The following OCA2 variants were observed in gnomAD, a reference collection of about 807,000 sequenced individuals.
OCA2 encodes the protein OCA2 melanosomal transmembrane protein.
Under a neutral mutation model 100.2 loss-of-function variants are expected in OCA2, and 77 were observed. The ratio of observed to expected loss-of-function variants is 0.77; its 90% CI spans 0.64 to 0.93. The LOEUF is 0.93. OCA2 is among the 40% of genes least tolerant of loss of function. OCA2 has a pLI of 0.00. For missense variants in OCA2, 1,062 were observed against 1,089.1 expected (o/e 0.98, Z 0.35); for synonymous variants, 432 against 439.2 (o/e 0.98, Z 0.21).
chr15:28,018,434 G>T lies in OCA2; in HGVS notation c.770C>A (p.Ala257Asp), dbSNP rs1050968. ...EEHIVVELTQ[A>D]DALGSRWRRP... is the part of the protein sequence containing the mutation. ...CCGCCACCTGGAGCCCAAAGCGTCAGCCTGGGTCAGCTCCACCACGATGTG... is the reference window on the plus strand; with the variant it reads ...CCGCCACCTGGAGCCCAAAGCGTCATCCTGGGTCAGCTCCACCACGATGTG... The change falls in exon 7 of 24, where the codon GCT becomes GAT. Residue 257 changes from alanine to aspartate, a missense_variant. Transcript: ENST00000354638. 5 of 1,614,136 alleles carry T rather than the reference G, an allele frequency of 3.1e-6. No homozygotes were observed. The highest frequency in any genetic ancestry group is 4.2e-6 in the Non-Finnish European group (5 of 1,180,026).
At chr15:27,744,866 C>T in the OCA2 span, among the ~76,000 whole-genome samples, 1 of 152,156 alleles carries the variant, frequency 6.6e-6, no homozygotes, top group South Asian at 2.1e-4. Flanking sequence ...TTGAGTCAGA[C>T]ATGTCTCATG....
intron 21 of OCA2, among the ~76,000 whole-genome samples, chr15:27,869,689 C>T (rs2036465553): frequency 6.6e-6 from 1 of 152,226 alleles, no homozygotes; most frequent in African/African-American, 2.4e-5. Context: ...GAAGGAAGCA[C>T]TGATGGAGGC....
At chr15:27,856,292 C>T (rs1177239448) in intron 21 of OCA2, among the ~76,000 whole-genome samples, 1 of 152,156 alleles carries the variant, frequency 6.6e-6, no homozygotes, top group Admixed American at 6.5e-5. Flanking sequence ...GGGTTAGGAC[C>T]TCAGTATATG....
chr15:27,816,744 C>T (rs1049213609), intron 23 of OCA2, among the ~76,000 whole-genome samples: 4 of 152,096 alleles, frequency 2.6e-5, no homozygotes, highest in Non-Finnish European at 5.9e-5. Context: ...AAATATTCCC[C>T]GTAATCAGAA....
chr15:28,042,580 C>T (rs2043236434), intron 2 of OCA2, among the ~76,000 whole-genome samples: 1 of 151,724 alleles, frequency 6.6e-6, no homozygotes, highest in Non-Finnish European at 1.5e-5. Flanking sequence ...GTGGAGATTG[C>T]AGTGAACCAA....
intron 11 of OCA2, among the ~76,000 whole-genome samples, chr15:27,988,115 A>G (rs1454905655): frequency 6.6e-6 from 1 of 152,120 alleles, no homozygotes; most frequent in African/African-American, 2.4e-5. Flanking sequence ...ATTTGCTGAC[A>G]GAACCACCCT....
the OCA2 span, among the ~76,000 whole-genome samples, chr15:27,736,214 G>A: frequency 6.6e-6 from 1 of 152,186 alleles, no homozygotes; most frequent in Admixed American, 6.5e-5. Flanking sequence ...ATGCTAAAAT[G>A]TGCATTTTCA....
intron 23 of OCA2, among the ~76,000 whole-genome samples, chr15:27,757,490 G>A (rs2030478691): frequency 1.3e-5 from 2 of 152,190 alleles, no homozygotes; most frequent in South Asian, 4.1e-4. Flanking sequence ...ACCAGTAAAA[G>A]GCAGAGATGG....
the OCA2 span, among the ~76,000 whole-genome samples, chr15:27,729,499 C>T: frequency 6.6e-6 from 1 of 152,288 alleles, no homozygotes; most frequent in African/African-American, 2.4e-5. Flanking sequence ...CAATTCGTTA[C>T]ACTACCAGGC....
At position 28,027,941 on chromosome 15, in the gene OCA2, C is replaced by T. The variant is rs1390969502; in HGVS notation, c.445G>A (p.Ala149Thr). 2 of 1,614,060 alleles carry T rather than the reference C, an allele frequency of 1.2e-6. No individual in the cohort carries two copies. Among genetic ancestry groups the T allele is most frequent in the Non-Finnish European group, 1.7e-6 (2 of 1,180,062 alleles). ...LLSREVSGLS[A>T]SASSEKGDLL... ...TCTCCCTTCTCGGAGGAGGCAGATG[C>T]AGACAGACCAGACACCTCCCTGCTT... is the stretch of plus-strand genomic sequence containing the variant. The change falls in exon 4 of 24, where the codon GCA becomes ACA. Residue 149 changes from alanine (A) to threonine (T), a missense_variant. Ala to Thr is a moderately conservative substitution (Grantham distance 58, BLOSUM62 0). Transcript: ENST00000354638.
At chr15:27,942,568 G>C (rs1033272334) in intron 18 of OCA2, among the ~76,000 whole-genome samples, 1 of 152,128 alleles carries the variant, frequency 6.6e-6, no homozygotes, top group African/African-American at 2.4e-5. Context: ...AATGAGGAAA[G>C]TGTTCTGGAA....
intron 23 of OCA2, among the ~76,000 whole-genome samples, chr15:27,817,042 C>A (rs1486778817): frequency 6.6e-6 from 1 of 152,178 alleles, no homozygotes; most frequent in Non-Finnish European, 1.5e-5. Flanking sequence ...GATCACAAAG[C>A]CAAGGCCAGC....
chr15:27,968,501 G>A (rs988669975), intron 14 of OCA2, among the ~76,000 whole-genome samples: 1 of 152,030 alleles, frequency 6.6e-6, no homozygotes, highest in Non-Finnish European at 1.5e-5. Flanking sequence ...CAAAGGTCTG[G>A]GTTTGAGTGA....
chr15:27,765,466 C>A (rs1030695161), intron 23 of OCA2, among the ~76,000 whole-genome samples: 2 of 152,198 alleles, frequency 1.3e-5, no homozygotes, highest in East Asian at 3.9e-4. Flanking sequence ...ACAAATCACT[C>A]AAGCACCTGG....
At chr15:27,999,288 C>T (rs1419345271) in intron 9 of OCA2, among the ~76,000 whole-genome samples, 2 of 152,070 alleles carry the variant, frequency 1.3e-5, no homozygotes, top group Non-Finnish European at 1.5e-5. Context: ...GAATTATTCC[C>T]AAATCCAAGG....
Position 27,844,981 on chromosome 15 carries a change from AC to A in OCA2, c.2409del (p.Phe804SerfsTer13). ...CAGIAEQHGYGFSFMEFFRLG... is the reference protein window; with the variant it reads ...CAGIAEQHGYXFSFMEFFRLG... ...TACCTGAAAAATTCCATGAAGGAGA[AC>A]CCATATCCATGCTGTTCTGCAATCC... On this transcript the variant is annotated frameshift_variant, in exon 23 of 24. Transcript: ENST00000354638. LOFTEE classifies it high-confidence loss of function. 1 of 1,613,594 alleles carries A rather than the reference AC, an allele frequency of 6.2e-7. No homozygotes were observed. Among genetic ancestry groups the A allele is most frequent in the Non-Finnish European group, 8.5e-7 (1 of 1,179,560 alleles).
the OCA2 span, among the ~76,000 whole-genome samples, chr15:27,746,962 T>C: frequency 1.3e-5 from 2 of 152,198 alleles, no homozygotes; most frequent in African/African-American, 4.8e-5. Flanking sequence ...GCTCAAGACA[T>C]CCATTCAGAT....
intron 12 of OCA2, among the ~76,000 whole-genome samples, chr15:27,986,365 T>C (rs1388544829): frequency 1.3e-5 from 2 of 152,214 alleles, no homozygotes; most frequent in Non-Finnish European, 2.9e-5. Flanking sequence ...ACCCTTTTCC[T>C]TGACCTCCTT....
At chr15:27,779,618 T>C (rs567901544) in intron 23 of OCA2, among the ~76,000 whole-genome samples, 50 of 152,332 alleles carry the variant, frequency 3.3e-4, no homozygotes, top group African/African-American at 1.1e-3. Flanking sequence ...AGAATATCTT[T>C]TTCTATCCTT....
Sources: allele counts gnomAD v4.1 joint callset (sites outside exome capture counted in the v4.1 genomes callset), GRCh38; gene constraint gnomAD v4.1.1; transcripts MANE v1.5; gene names NCBI Gene and HGNC (gene_info 2026-07-23, HGNC 2026-07-21).